CUL9: variants seen among roughly 807,000 people sequenced by gnomAD.
CUL9 encodes the protein cullin-9.
Under a neutral mutation model 272.6 loss-of-function variants are expected in CUL9, and 79 were observed. The ratio of observed to expected loss-of-function variants is 0.29; its 90% CI spans 0.24 to 0.35. The LOEUF is 0.35. Ranked by LOEUF, CUL9 falls within the 10% of genes least tolerant of loss-of-function variation. The pLI, the probability that CUL9 is intolerant of heterozygous loss-of-function variation, is 1.00. For synonymous variants in CUL9, 1,186 were observed against 1,286.5 expected (o/e 0.92, Z 1.67); for missense variants, 2,532 against 3,255.6 (o/e 0.78, Z 5.41).
rs1241706024 is a variant in CUL9 at position 43,223,217 on chromosome 6, G to C, written c.7151-47G>C. The C allele has an allele frequency of 3.2e-6, 5 of 1,555,864 alleles. No individual in the cohort carries two copies. Among genetic ancestry groups the C allele is most frequent in the Non-Finnish European group, 4.4e-6 (5 of 1,145,756 alleles). ...TAGGTGTTTGTTGGAGGAAGGAATG[G>C]ATGAGAATGAGAAGGGAGGGAGCCT... On this transcript the variant is annotated intron_variant, in intron 38 of 40. Transcript: ENST00000252050. The surrounding 1 kb of genome is among the most constrained non-coding windows in gnomAD (Gnocchi z 4.1).
intron 1 of CUL9, among the ~76,000 whole-genome samples, chr6:43,183,951 C>T (rs1772685527): frequency 6.6e-6 from 1 of 152,070 alleles, no homozygotes; most frequent in Non-Finnish European, 1.5e-5. Flanking sequence ...CGGGGTTTCA[C>T]TATGTTGACC....
In CUL9 at chr6:43,187,948, A is replaced by G. The variant is rs764896459; in HGVS notation, c.1817A>G (p.Glu606Gly). Residue 606 changes from glutamate to glycine, a missense_variant, in exon 7 of 41, where the codon GAG becomes GGG. Physicochemically the swap from Glu to Gly is moderately conservative, Grantham distance 98 (BLOSUM62 -2). This residue lies in a region of CUL9 where 2,218 missense variants were observed against 2,788.6 expected (regional missense o/e 0.80). Transcript: ENST00000252050. ...EESKSEASFS[E>G]EETESLKAKA... Reference sequence around the variant, plus strand: ...TCCAAGTCGGAGGCCAGCTTCTCAGAGGAAGAGACTGAGTCCCTCAAAGCA... The same window carrying G: ...TCCAAGTCGGAGGCCAGCTTCTCAGGGGAAGAGACTGAGTCCCTCAAAGCA... 4.0e-5 allele frequency: 65 copies of G among 1,613,968 alleles called. No homozygotes were observed. Among genetic ancestry groups the G allele is most frequent in the Non-Finnish European group, 5.2e-5 (61 of 1,180,000 alleles).
At position 43,206,360 on chromosome 6, in the gene CUL9, A is replaced by G; in HGVS notation, c.5062A>G (p.Ile1688Val). The G allele has an allele frequency of 6.2e-7, 1 of 1,614,166 alleles. No homozygotes were observed. ...EEEEAEKELF[I>V]EDPSPAISIL... is the part of the protein sequence containing the mutation. ...AGAGGAAGCTGAGAAAGAATTATTT[A>G]TCGAAGATCCAAGTCCAGCCATTTC... is the stretch of plus-strand genomic sequence containing the variant. The change falls in exon 26 of 41, where the codon ATC (isoleucine) becomes GTC (valine). Residue 1688 changes from isoleucine (I) to valine (V), a missense_variant. By Grantham distance (29) the Ile-to-Val change is conservative. This residue lies in a region of CUL9 where 2,218 missense variants were observed against 2,788.6 expected (regional missense o/e 0.80). Coordinates refer to ENST00000252050, the MANE Select transcript of CUL9 (RefSeq NM_015089.4). This position sits in a 1 kb window ranked among gnomAD's most constrained non-coding sequence, Gnocchi z 4.8.
At position 43,203,623 on chromosome 6, in the gene CUL9, A is replaced by G. The variant is rs1427217005; in HGVS notation, c.4025+31A>G. 3 of 1,605,988 alleles carry G rather than the reference A, an allele frequency of 1.9e-6. No homozygotes were observed. The highest frequency in any genetic ancestry group is 2.7e-5 in the African/African-American group (2 of 74,766). On this transcript the variant is annotated intron_variant, in intron 19 of 40. Transcript: ENST00000252050. This position sits in a 1 kb window ranked among gnomAD's most constrained non-coding sequence, Gnocchi z 5.0. ...TGGGGCCTGAGGAGGGAAGATGGGT[A>G]AGGGAACAGGACACTGTGAGAAGTA...
chr6:43,224,578 C>A lies in CUL9; in HGVS notation c.*133C>A. On this transcript the variant is annotated 3_prime_UTR_variant, in exon 41 of 41. Coordinates refer to ENST00000252050, the MANE Select transcript of CUL9 (RefSeq NM_015089.4). The surrounding 1 kb of genome is among the most constrained non-coding windows in gnomAD (Gnocchi z 4.2). ...CTGTTTGCTGAATAAAGGTCTCTTT[C>A]TCACACACATCTCTGGGAGCAGGCT... is the stretch of plus-strand genomic sequence containing the variant. The A allele has an allele frequency of 1.2e-6, 1 of 838,460 alleles. No homozygotes were observed. The highest frequency in any genetic ancestry group is 1.8e-6 in the Non-Finnish European group (1 of 554,966). 51.9% of individuals were successfully genotyped at this position (838,460 alleles called of 1,614,324 possible).
chr6:43,221,326 GA>G lies in CUL9; in HGVS notation c.6752+7del, dbSNP rs764600447. 1 of 1,594,772 alleles carries G rather than the reference GA, an allele frequency of 6.3e-7. No individual in the cohort carries two copies. The highest frequency in any genetic ancestry group is 1.1e-5 in the South Asian group (1 of 90,744). ...GAAGAACGAGGGGTGCCTGCAGTAA[GA>G]AGGGGGGTACTGTGGGGAGCCAGAG... is the stretch of plus-strand genomic sequence containing the variant. On this transcript the variant is annotated splice_donor_region_variant and intron_variant, in intron 34 of 40. Coordinates refer to ENST00000252050, the MANE Select transcript of CUL9 (RefSeq NM_015089.4). The surrounding 1 kb of genome is among the most constrained non-coding windows in gnomAD (Gnocchi z 4.2).
At chr6:43,191,507 C>CTTTTTTTTTTTTTTTTTTTTTTTTTTTT in intron 8 of CUL9, among the ~76,000 whole-genome samples, 105 of 73,100 alleles carry the variant, frequency 1.4e-3, no homozygotes, top group Middle Eastern at 6.9e-3. Flanking sequence ...TTTTTTTTTA[C>CTTTTTTTTTTTTTTTTTTTTTTTTTTTT]TTTTTGTAGA....
intron 5 of CUL9, 46 bp from the exon 6 acceptor site, chr6:43,187,200 C>A (rs772444496): frequency 1.2e-6 from 2 of 1,606,916 alleles, no homozygotes; most frequent in East Asian, 4.5e-5. Context: ...CAGAAATAGA[C>A]CCCATTCCTG....
Position 43,203,546 on chromosome 6 carries a change from C to A in CUL9, c.3979C>A (p.Arg1327=). The change falls in exon 19 of 41, where the codon CGG becomes AGG. Residue 1327 remains arginine (R), a synonymous_variant. Transcript: ENST00000252050. This position sits in a 1 kb window ranked among gnomAD's most constrained non-coding sequence, Gnocchi z 5.0. ...CACAATTCGGGCACAAGCCTGGAGC[C>A]GGGACATAGCAGAGGACCACCGGCG... ...FYTIRAQAWS[R]DIAEDHRRLL... is the part of the protein sequence containing the mutation. 2 of 1,613,822 alleles carry A rather than the reference C, an allele frequency of 1.2e-6. No individual in the cohort carries two copies. The highest frequency in any genetic ancestry group is 1.7e-6 in the Non-Finnish European group (2 of 1,180,008).
chr6:43,208,977 T>G (rs1024562921), intron 26 of CUL9, among the ~76,000 whole-genome samples: 1 of 151,960 alleles, frequency 6.6e-6, no homozygotes, highest in African/African-American at 2.4e-5. Context: ...CCCAAGTAGC[T>G]GGGACTATAG....
chr6:43,216,903 G>C (rs9357409), intron 31 of CUL9, among the ~76,000 whole-genome samples: 1 of 152,108 alleles, frequency 6.6e-6, no homozygotes, highest in Admixed American at 6.5e-5. Context: ...AGAGATATAC[G>C]TGTAAAATAG....
rs901938550 is a variant in CUL9 at position 43,185,823 on chromosome 6, C to T, written c.751-132C>T. ...AGACACTCCCTATGCCTTTCTTACA[C>T]AAATCAAAGTTTCAGAACTACAGGC... On this transcript the variant is annotated intron_variant, in intron 3 of 40. Transcript: ENST00000252050. 6.9e-6 allele frequency: 9 copies of T among 1,305,004 alleles called. No individual in the cohort carries two copies. The African/African-American group carries it at 1.3e-4, about 19-fold the overall frequency. 80.8% of individuals were successfully genotyped at this position (1,305,004 alleles called of 1,614,324 possible).
In CUL9 at chr6:43,184,240, C is replaced by T; in HGVS notation, c.-9-62C>T. 1.6e-6 allele frequency: 2 copies of T among 1,255,118 alleles called. No homozygotes were observed. Among genetic ancestry groups the T allele is most frequent in the Admixed American group, 3.2e-5 (1 of 30,992 alleles). The allele number at this position is 1,255,118 out of a possible 1,614,324, so 77.7% of individuals were successfully genotyped here. A position where few individuals can be genotyped will look rare whatever the true frequency, so the allele number is the denominator to read the frequency against. Reference sequence around the variant, plus strand: ...ACCTTCTCTGTGTCTCAAGATTCCACCCCCTCCATGTATTTTTTTTCTTTT... The same window carrying T: ...ACCTTCTCTGTGTCTCAAGATTCCATCCCCTCCATGTATTTTTTTTCTTTT... On this transcript the variant is annotated intron_variant, in intron 1 of 40. Coordinates refer to ENST00000252050, the MANE Select transcript of CUL9 (RefSeq NM_015089.4). This position sits in a 1 kb window ranked among gnomAD's most constrained non-coding sequence, Gnocchi z 4.8.
Position 43,218,511 on chromosome 6 carries a change from C to T in CUL9, c.6283-1948C>T, listed in dbSNP as rs377318148. ...AATTACAGGCGTGAGCCACTGCGCC[C>T]GGCCCTACATTTTTTAAAAGATCGC... On this transcript the variant is annotated intron_variant, in intron 31 of 40. Transcript: ENST00000252050. This position sits in a 1 kb window ranked among gnomAD's most constrained non-coding sequence, Gnocchi z 4.4. Among the ~76,000 whole-genome samples the T allele has an allele frequency of 4.3e-4, 66 of 152,312 alleles. 1 individual carries two copies. The South Asian group carries it at 6.8e-3, about 16-fold the overall frequency.
At chr6:43,201,643 C>CT (rs759564676) in intron 16 of CUL9, among the ~76,000 whole-genome samples, 45 of 152,210 alleles carry the variant, frequency 3.0e-4, no homozygotes, top group Admixed American at 1.4e-3. Context: ...CCACGCCTGG[C>CT]TAATTTTTTG....
chr6:43,192,050 C>T (rs550092719), intron 8 of CUL9, among the ~76,000 whole-genome samples: 24 of 148,096 alleles, frequency 1.6e-4, no homozygotes, highest in Non-Finnish European at 2.5e-4. Context: ...GCAAGCCTAC[C>T]CCTTTTCTCT....
intron 11 of CUL9, among the ~76,000 whole-genome samples, chr6:43,197,801 A>G (rs929216079): frequency 6.6e-6 from 1 of 152,210 alleles, no homozygotes; most frequent in Non-Finnish European, 1.5e-5. Context: ...CTTTCTCTTC[A>G]CAGAATAGGG....
chr6:43,217,482 C>T (rs988949231), intron 31 of CUL9, among the ~76,000 whole-genome samples: 1 of 152,142 alleles, frequency 6.6e-6, no homozygotes, highest in Non-Finnish European at 1.5e-5. Context: ...GCACTGAGTC[C>T]GATATTCCTG....
At chr6:43,222,989 C>A in intron 38 of CUL9, 93 bp downstream of exon 38, 2 of 1,052,014 alleles carry the variant, frequency 1.9e-6, no homozygotes, top group Non-Finnish European at 2.9e-6. Context: ...GGCACCCTTA[C>A]CTTCCCTCTC....
Sources: allele counts gnomAD v4.1 joint callset (sites outside exome capture counted in the v4.1 genomes callset), GRCh38; gene constraint gnomAD v4.1.1; regional missense constraint gnomAD v4.1.1; non-coding constraint Gnocchi (gnomAD v3.1); transcripts MANE v1.5; gene names NCBI Gene and HGNC (gene_info 2026-07-23, HGNC 2026-07-21).